BACE2: variants seen among roughly 807,000 people sequenced by gnomAD.
BACE2 encodes beta-secretase 2.
In BACE2, 17 loss-of-function variants were observed where a neutral mutation model predicts 46.2. The observed-to-expected ratio is 0.37, with a 90% CI of 0.25 to 0.55. The LOEUF is 0.55. BACE2 is among the 20% of genes least tolerant of loss of function. The pLI is 0.82. For synonymous variants in BACE2, 277 were observed against 295.9 expected (o/e 0.94, Z 0.66); for missense variants, 595 against 698.1 (o/e 0.85, Z 1.66).
intron 7 of BACE2, among the ~76,000 whole-genome samples, chr21:41,253,595 C>T (rs997678466): frequency 1.3e-5 from 2 of 152,026 alleles, no homozygotes; most frequent in African/African-American, 4.8e-5. Context: ...TGTCAGGCAC[C>T]AAGGACTCGT....
At chr21:41,216,216 T>G (rs556317142) in intron 1 of BACE2, among the ~76,000 whole-genome samples, 2 of 152,226 alleles carry the variant, frequency 1.3e-5, no homozygotes, top group Admixed American at 1.3e-4. Flanking sequence ...CAGAAAATGG[T>G]GGTGGCTCCT....
At chr21:41,274,161 G>T (rs2088461531) in intron 8 of BACE2, among the ~76,000 whole-genome samples, 1 of 151,966 alleles carries the variant, frequency 6.6e-6, no homozygotes, top group Non-Finnish European at 1.5e-5. Flanking sequence ...ACTGCAGGGT[G>T]CATCCCTCTG....
chr21:41,198,027 T>C (rs1303510185), intron 1 of BACE2, among the ~76,000 whole-genome samples: 2 of 152,234 alleles, frequency 1.3e-5, no homozygotes, highest in Admixed American at 1.3e-4. Context: ...AGTCTTACTC[T>C]GTGGCCCAGG....
At chr21:41,212,777 A>G (rs1986339672) in intron 1 of BACE2, among the ~76,000 whole-genome samples, 1 of 152,214 alleles carries the variant, frequency 6.6e-6, no homozygotes. Flanking sequence ...AGGTTACAGA[A>G]GCTGAAGTGA....
intron 5 of BACE2, among the ~76,000 whole-genome samples, chr21:41,245,389 C>T (rs563785982): frequency 4.1e-4 from 62 of 152,192 alleles, no homozygotes; most frequent in Non-Finnish European, 6.9e-4. Context: ...GTCCATTCTC[C>T]TCCCTCTGCC....
intron 8 of BACE2, among the ~76,000 whole-genome samples, chr21:41,263,556 G>A (rs1466324424): frequency 2.0e-5 from 3 of 152,088 alleles, no homozygotes; most frequent in Admixed American, 6.5e-5. Flanking sequence ...GACTGTGAAA[G>A]GTAAATTTTA....
intron 1 of BACE2, among the ~76,000 whole-genome samples, chr21:41,203,526 G>T (rs1055231497): frequency 6.6e-6 from 1 of 152,216 alleles, no homozygotes; most frequent in Middle Eastern, 3.4e-3. Context: ...TGGCTGCGAG[G>T]GTGAATGAGG....
intron 1 of BACE2, among the ~76,000 whole-genome samples, chr21:41,221,661 TA>T (rs369827374): frequency 6.6e-6 from 1 of 151,606 alleles, no homozygotes; most frequent in Non-Finnish European, 1.5e-5. Flanking sequence ...CCGTCTCTAC[TA>T]AAAAAATACA....
At chr21:41,215,980 G>A (rs1986453997) in intron 1 of BACE2, among the ~76,000 whole-genome samples, 2 of 152,316 alleles carry the variant, frequency 1.3e-5, no homozygotes, top group South Asian at 4.1e-4. Context: ...CTAGAATAAA[G>A]GAAGGGGCAG....
chr21:41,244,479 A>G (rs1987400781), intron 5 of BACE2, among the ~76,000 whole-genome samples: 1 of 152,188 alleles, frequency 6.6e-6, no homozygotes, highest in African/African-American at 2.4e-5. Flanking sequence ...CAAGGTGCTC[A>G]GTGGGAGAGC....
In BACE2 at chr21:41,224,431, C is replaced by T. The variant is rs372343402; in HGVS notation, c.313-1835C>T. Among the ~76,000 whole-genome samples, 3 of 151,866 alleles carry T rather than the reference C, an allele frequency of 2.0e-5. No individual in the cohort carries two copies. The East Asian group carries it at 5.8e-4, about 30-fold the overall frequency. On this transcript the variant is annotated intron_variant, in intron 1 of 8. Coordinates refer to ENST00000330333, the MANE Select transcript of BACE2 (RefSeq NM_012105.5). ...GGGTTTCACCGTGTTAGCCAGGATC[C>T]ACTCACCTCGGCCTCCCAAAGTGCT...
In BACE2 at chr21:41,226,335, A is replaced by G. The variant is rs1439528201; in HGVS notation, c.382A>G (p.Thr128Ala). 1.9e-6 allele frequency: 3 copies of G among 1,613,894 alleles called. No homozygotes were observed. The East Asian group carries it at 6.7e-5, about 36-fold the overall frequency. ...VAGTPHSYIDTYFDTERSSTY... is the reference protein window; with the variant it reads ...VAGTPHSYIDAYFDTERSSTY... Reference sequence around the variant, plus strand: ...AGGAACCCCGCACTCCTACATAGACACGTACTTTGACACAGAGAGGTAAGC... The same window carrying G: ...AGGAACCCCGCACTCCTACATAGACGCGTACTTTGACACAGAGAGGTAAGC... The change falls in exon 2 of 9, where the codon ACG (threonine) becomes GCG (alanine). Residue 128 changes from threonine to alanine, a missense_variant. Physicochemically the swap from Thr to Ala is moderately conservative, Grantham distance 58. This residue lies in a region of BACE2 where 248 missense variants were observed against 261.4 expected (regional missense o/e 0.95). Transcript: ENST00000330333.
At chr21:41,217,138 G>T (rs970215666) in intron 1 of BACE2, among the ~76,000 whole-genome samples, 2 of 152,104 alleles carry the variant, frequency 1.3e-5, no homozygotes, top group Non-Finnish European at 2.9e-5. Flanking sequence ...CACCATGTTG[G>T]TCAGGCTGGT....
At chr21:41,199,056 G>A (rs1985853215) in intron 1 of BACE2, among the ~76,000 whole-genome samples, 2 of 124,612 alleles carry the variant, frequency 1.6e-5, no homozygotes, top group African/African-American at 6.4e-5. Context: ...CATGTGTGAT[G>A]TTCCCCTTCC....
At chr21:41,231,768 AG>A (rs762010440) in intron 2 of BACE2, among the ~76,000 whole-genome samples, 120 of 152,306 alleles carry the variant, frequency 7.9e-4, no homozygotes, top group Non-Finnish European at 1.3e-3. Context: ...GACATTGCCA[AG>A]GAGAAGCCCA....
chr21:41,189,324 C>T (rs563877099), intron 1 of BACE2, among the ~76,000 whole-genome samples: 1 of 152,270 alleles, frequency 6.6e-6, no homozygotes, highest in South Asian at 2.1e-4. Context: ...AGAAGTTGCA[C>T]CTTCTAGTCT....
intron 8 of BACE2, among the ~76,000 whole-genome samples, chr21:41,261,487 G>A (rs1987933471): frequency 6.6e-6 from 1 of 151,812 alleles, no homozygotes; most frequent in African/African-American, 2.4e-5. Context: ...ATATTTCTGA[G>A]GTATTAGTTT....
chr21:41,248,237 C>T (rs1316805841), intron 6 of BACE2, among the ~76,000 whole-genome samples: 1 of 152,210 alleles, frequency 6.6e-6, no homozygotes, highest in Admixed American at 6.5e-5. Flanking sequence ...AAAATGGCTT[C>T]TAACTTTAAC....
At chr21:41,202,040 T>C (rs555952089) in intron 1 of BACE2, among the ~76,000 whole-genome samples, 1 of 152,362 alleles carries the variant, frequency 6.6e-6, no homozygotes, top group African/African-American at 2.4e-5. Context: ...CTGAAATTGG[T>C]TTTTGTATAA....
Sources: allele counts gnomAD v4.1 joint callset (sites outside exome capture counted in the v4.1 genomes callset), GRCh38; gene constraint gnomAD v4.1.1; regional missense constraint gnomAD v4.1.1; transcripts MANE v1.5; gene names NCBI Gene and HGNC (gene_info 2026-07-23, HGNC 2026-07-21).